Variants in CACNA2D1 observed in about 807,000 individuals in gnomAD.
CACNA2D1 encodes voltage-dependent calcium channel subunit alpha-2/delta-1.
CACNA2D1 carries 53 observed loss-of-function variants against 171.5 expected under a neutral mutation model. The observed-to-expected ratio is 0.31, with a 90% confidence interval of 0.25 to 0.39. The LOEUF is 0.39. Ranked by LOEUF, CACNA2D1 falls within the 10% of genes least tolerant of loss-of-function variation. The pLI, the probability that CACNA2D1 is intolerant of heterozygous loss-of-function variation, is 1.00. For synonymous variants in CACNA2D1, 442 were observed against 443.1 expected (o/e 1.00, Z 0.03); for missense variants, 903 against 1,299.8 (o/e 0.69, Z 4.69).
At chr7:81,977,184 G>A (rs2887100) in intron 24 of CACNA2D1, among the ~76,000 whole-genome samples, 2,837 of 152,134 alleles carry the variant, frequency 0.019, 95 homozygotes, top group African/African-American at 0.065. Context: ...ATTGGCTGTG[G>A]GTTTGTCACA....
intron 3 of CACNA2D1, among the ~76,000 whole-genome samples, chr7:82,195,746 G>A (rs545793082): frequency 3.3e-5 from 5 of 151,558 alleles, no homozygotes; most frequent in African/African-American, 9.7e-5. Context: ...GGCTCACCCT[G>A]AGAAGTTCAC....
chr7:82,172,616 C>CTTTTTTT (rs55737158), intron 3 of CACNA2D1, among the ~76,000 whole-genome samples: 2 of 64,510 alleles, frequency 3.1e-5, no homozygotes, highest in Non-Finnish European at 5.2e-5. Flanking sequence ...AGAAACCCGG[C>CTTTTTTT]TTTTTTTTTT....
At chr7:82,322,354 C>T (rs369365131) in intron 3 of CACNA2D1, among the ~76,000 whole-genome samples, 1 of 149,732 alleles carries the variant, frequency 6.7e-6, no homozygotes, top group African/African-American at 2.4e-5. Flanking sequence ...GTGGCTCACA[C>T]CTATAAGGCC....
chr7:82,182,610 A>C (rs529624052), intron 3 of CACNA2D1, among the ~76,000 whole-genome samples: 1 of 152,172 alleles, frequency 6.6e-6, no homozygotes, highest in East Asian at 1.9e-4. Context: ...CTAAAAATCA[A>C]CTCTTCAAAT....
intron 3 of CACNA2D1, among the ~76,000 whole-genome samples, chr7:82,201,310 T>A (rs1202659624): frequency 6.6e-6 from 1 of 152,192 alleles, no homozygotes; most frequent in East Asian, 1.9e-4. Context: ...ATCTCAGAAT[T>A]TCAGTAAGGA....
chr7:82,425,167 T>C (rs533157815), intron 1 of CACNA2D1, among the ~76,000 whole-genome samples: 2 of 152,312 alleles, frequency 1.3e-5, no homozygotes, highest in African/African-American at 4.8e-5. Flanking sequence ...ATGATCTAAC[T>C]TAATCAGCTG....
At chr7:82,396,553 G>C (rs919431455) in intron 1 of CACNA2D1, among the ~76,000 whole-genome samples, 5 of 151,990 alleles carry the variant, frequency 3.3e-5, no homozygotes, top group Non-Finnish European at 7.4e-5. Context: ...TCTGCCCTAG[G>C]GACTCCTTGT....
intron 3 of CACNA2D1, among the ~76,000 whole-genome samples, chr7:82,278,498 C>T (rs1262547232): frequency 1.4e-5 from 2 of 145,508 alleles, no homozygotes; most frequent in Non-Finnish European, 3.0e-5. Context: ...GCAGAGGTTG[C>T]AGTCAGCCAA....
At chr7:82,419,054 G>A (rs1280982245) in intron 1 of CACNA2D1, among the ~76,000 whole-genome samples, 3 of 151,228 alleles carry the variant, frequency 2.0e-5, no homozygotes, top group Non-Finnish European at 4.4e-5. Context: ...AGCTTGCAGT[G>A]AGCCGAGCTC....
At chr7:81,989,435 T>C (rs967911850) in intron 21 of CACNA2D1, among the ~76,000 whole-genome samples, 1 of 152,242 alleles carries the variant, frequency 6.6e-6, no homozygotes, top group African/African-American at 2.4e-5. Context: ...AGTAGTTATG[T>C]ACTCTAATAG....
chr7:82,377,750 C>G (rs1823187107), intron 1 of CACNA2D1, among the ~76,000 whole-genome samples: 1 of 152,122 alleles, frequency 6.6e-6, no homozygotes, highest in Non-Finnish European at 1.5e-5. Flanking sequence ...CTTTCTCTTC[C>G]TGGTCCAAAG....
intron 3 of CACNA2D1, among the ~76,000 whole-genome samples, chr7:82,212,972 C>T (rs902334287): frequency 7.9e-5 from 12 of 151,938 alleles, no homozygotes; most frequent in Non-Finnish European, 1.8e-4. Flanking sequence ...GCGATCTCAG[C>T]TCACTGCAAT....
chr7:81,960,908 C>A (rs954185388), intron 36 of CACNA2D1, among the ~76,000 whole-genome samples: 12 of 152,022 alleles, frequency 7.9e-5, no homozygotes, highest in African/African-American at 2.9e-4. Flanking sequence ...CTCTTCCTTC[C>A]CTTTCCTCTC....
At chr7:82,359,011 A>G (rs1265502858) in intron 1 of CACNA2D1, among the ~76,000 whole-genome samples, 1 of 152,096 alleles carries the variant, frequency 6.6e-6, no homozygotes, top group Non-Finnish European at 1.5e-5. Context: ...GTTCTCATAC[A>G]TGAGATTTGT....
At chr7:82,403,130 AAAGGT>A (rs1826625765) in intron 1 of CACNA2D1, among the ~76,000 whole-genome samples, 1 of 152,158 alleles carries the variant, frequency 6.6e-6, no homozygotes, top group South Asian at 2.1e-4. Flanking sequence ...CAAAGAAAAG[AAAGGT>A]AAGGGGAGAA....
At chr7:82,208,191 T>C (rs1053225071) in intron 3 of CACNA2D1, among the ~76,000 whole-genome samples, 6 of 152,142 alleles carry the variant, frequency 3.9e-5, no homozygotes, top group Admixed American at 3.9e-4. Context: ...CTTAAAATTG[T>C]TTTTTACCTT....
intron 7 of CACNA2D1, among the ~76,000 whole-genome samples, chr7:82,073,010 C>T (rs1808511856): frequency 6.6e-6 from 1 of 152,060 alleles, no homozygotes; most frequent in African/African-American, 2.4e-5. Flanking sequence ...TTAACATGTT[C>T]CTGTGACTGG....
At chr7:82,402,826 C>A (rs1346600984) in intron 1 of CACNA2D1, among the ~76,000 whole-genome samples, 2 of 150,016 alleles carry the variant, frequency 1.3e-5, no homozygotes, top group Non-Finnish European at 3.0e-5. Context: ...GGGACATGAT[C>A]AGAAGTTACG....
In CACNA2D1 at chr7:82,410,451, T is replaced by G. The variant is rs796561155; in HGVS notation, c.95+32914A>C. 25 of 925,706 alleles carry G rather than the reference T, an allele frequency of 2.7e-5. No individual in the cohort carries two copies. The African/African-American group carries it at 3.9e-4, about 15-fold the overall frequency. 57.3% of individuals were successfully genotyped at this position (925,706 alleles called of 1,614,324 possible). A position where few individuals can be genotyped will look rare whatever the true frequency, so the allele number is the denominator to read the frequency against. On this transcript the variant is annotated intron_variant, in intron 1 of 38. Transcript: ENST00000356860. ...CCAACATCTTTCATTCTGATTGGCTTAGCCTTAAGAAAAAACTAACGCATG... is the reference window on the plus strand; with the variant it reads ...CCAACATCTTTCATTCTGATTGGCTGAGCCTTAAGAAAAAACTAACGCATG...
Sources: allele counts gnomAD v4.1 joint callset (sites outside exome capture counted in the v4.1 genomes callset), GRCh38; gene constraint gnomAD v4.1.1; transcripts MANE v1.5; gene names NCBI Gene and HGNC (gene_info 2026-07-23, HGNC 2026-07-21).